The following ADCY9 variants were observed in gnomAD, a reference collection of about 807,000 sequenced individuals.
ADCY9 encodes the protein adenylate cyclase 9, also known as adenylate cyclase type 9.
Under a neutral mutation model 101.5 loss-of-function variants are expected in ADCY9, and 50 were observed. That is an observed-to-expected ratio of 0.49 (90% CI 0.39 to 0.62). The LOEUF (loss-of-function observed/expected upper bound fraction) is 0.62. Among genes scored for constraint, ADCY9 ranks in the 20% least tolerant of loss-of-function variants. The pLI, the probability that ADCY9 is intolerant of heterozygous loss-of-function variation, is 0.00. For synonymous variants in ADCY9, 905 were observed against 769.3 expected (o/e 1.18, Z -2.92); for missense variants, 1,662 against 1,800.4 (o/e 0.92, Z 1.39).
intron 2 of ADCY9, among the ~76,000 whole-genome samples, chr16:4,027,486 G>A (rs138928227): frequency 6.6e-5 from 10 of 152,192 alleles, no homozygotes; most frequent in Non-Finnish European, 1.0e-4. Context: ...GGCTAGGGAG[G>A]CCTCACAATC....
chr16:4,072,557 A>G (rs2141170712), intron 2 of ADCY9, among the ~76,000 whole-genome samples: 1 of 152,334 alleles, frequency 6.6e-6, no homozygotes, highest in East Asian at 1.9e-4. Context: ...CAGACTAATG[A>G]ACAGAAGCTT....
chr16:4,036,194 C>A (rs1216892844), intron 2 of ADCY9, among the ~76,000 whole-genome samples: 2 of 151,830 alleles, frequency 1.3e-5, no homozygotes, highest in Non-Finnish European at 2.9e-5. Context: ...TTGAAGCAAC[C>A]CAGGAGCTGC....
chr16:4,083,409 G>A (rs1315362765), intron 2 of ADCY9, among the ~76,000 whole-genome samples: 1 of 152,088 alleles, frequency 6.6e-6, no homozygotes, highest in Non-Finnish European at 1.5e-5. Context: ...CACTCTGGTG[G>A]GAAGAGAAAA....
intron 2 of ADCY9, among the ~76,000 whole-genome samples, chr16:4,057,157 A>G (rs1156632801): frequency 6.6e-6 from 1 of 151,154 alleles, no homozygotes; most frequent in East Asian, 1.9e-4. Flanking sequence ...GTTTTTGTTT[A>G]AAGAGAAGCG....
chr16:4,080,679 G>C (rs2056896040), intron 2 of ADCY9, among the ~76,000 whole-genome samples: 1 of 150,370 alleles, frequency 6.7e-6, no homozygotes, highest in Non-Finnish European at 1.5e-5. Context: ...TCAGAATCAT[G>C]ACGGCGTTCT....
chr16:4,000,692 T>A (rs138486375), intron 3 of ADCY9, among the ~76,000 whole-genome samples: 238 of 149,964 alleles, frequency 1.6e-3, no homozygotes, highest in Middle Eastern at 0.01. Context: ...CGGGGCGGAG[T>A]CGAAAAGTCC....
intron 6 of ADCY9, among the ~76,000 whole-genome samples, chr16:3,987,208 C>G (rs1478026907): frequency 6.6e-6 from 1 of 152,216 alleles, no homozygotes; most frequent in African/African-American, 2.4e-5. Flanking sequence ...GCTGGGAGGG[C>G]ACTCGCAGAC....
At chr16:4,081,456 C>T (rs1198460460) in intron 2 of ADCY9, among the ~76,000 whole-genome samples, 1 of 152,226 alleles carries the variant, frequency 6.6e-6, no homozygotes. Context: ...TTAAGAAATA[C>T]GTTTGTTATA....
rs112039187 is a variant in ADCY9, at chr16:4,090,979, A to C, written c.1693+22771T>G. 2.0e-3 allele frequency among the ~76,000 whole-genome samples: 298 copies of C among 152,202 alleles called. 1 individual carries two copies. The highest frequency in any genetic ancestry group is 6.7e-3 in the African/African-American group (280 of 41,584). On this transcript the variant is annotated intron_variant, in intron 2 of 10. Transcript: ENST00000294016. ...AATGGCCAGCCACATCTATGACCAA[A>C]TTGACCTAAGCTTTCAGATGTTTTC... is the stretch of plus-strand genomic sequence containing the variant.
At chr16:4,052,267 G>A (rs893227178) in intron 2 of ADCY9, among the ~76,000 whole-genome samples, 14 of 152,204 alleles carry the variant, frequency 9.2e-5, no homozygotes, top group Non-Finnish European at 1.6e-4. Context: ...TGACACAGAC[G>A]GCGCCTGTGG....
At chr16:4,044,902 G>A (rs773647528) in intron 2 of ADCY9, among the ~76,000 whole-genome samples, 2 of 152,146 alleles carry the variant, frequency 1.3e-5, no homozygotes, top group Admixed American at 6.6e-5. Context: ...TCCACTTCCC[G>A]GCCTCACAGC....
At chr16:4,025,441 G>C (rs975323267) in intron 2 of ADCY9, among the ~76,000 whole-genome samples, 4 of 151,290 alleles carry the variant, frequency 2.6e-5, no homozygotes, top group Non-Finnish European at 5.9e-5. Context: ...CACTAGCAAA[G>C]CCAGCCTGGG....
At chr16:3,960,559 CA>C (rs1472554987), downstream of ADCY9, among the ~76,000 whole-genome samples, 7 of 151,230 alleles carry the variant, frequency 4.6e-5, no homozygotes, top group Non-Finnish European at 7.4e-5. Context: ...AACAAAAAAT[CA>C]AAAGTTGTTT....
At chr16:4,073,099 A>G (rs142708805) in intron 2 of ADCY9, among the ~76,000 whole-genome samples, 64 of 151,896 alleles carry the variant, frequency 4.2e-4, no homozygotes, top group Non-Finnish European at 7.1e-4. Context: ...TTCTTTAAAC[A>G]TTTTCTTTTT....
In ADCY9 at chr16:3,965,818, T is replaced by G. The variant is rs757814677; in HGVS notation, c.4019A>C (p.Glu1340Ala). The G allele has an allele frequency of 1.2e-6, 2 of 1,613,918 alleles. No individual in the cohort carries two copies. The highest frequency in any genetic ancestry group is 2.2e-5 in the South Asian group (2 of 91,064). ...KDDCDETGIE[E>A]ANELTKLNVS... ...GTTGAGCTTGGTGAGTTCGTTGGCT[T>G]CTTCTATTCCTGTTTCGTCACAGTC... The change falls in exon 11 of 11, where the codon GAA (glutamate) becomes GCA (alanine). Residue 1340 changes from glutamate (E) to alanine (A), a missense_variant. Glu to Ala is a moderately radical substitution (Grantham distance 107). Transcript: ENST00000294016.
chr16:4,007,602 G>A (rs3730119), intron 2 of ADCY9, 44 bp from the exon 3 acceptor site: 259,474 of 1,514,218 alleles, frequency 0.17, 24,147 homozygotes, highest in Admixed American at 0.34. Context: ...TGAAAGCACC[G>A]TCTGTTGAAA....
intron 3 of ADCY9, among the ~76,000 whole-genome samples, chr16:3,998,753 GA>G (rs1442132532): frequency 2.2e-3 from 8 of 3,582 alleles, no homozygotes; most frequent in Non-Finnish European, 3.2e-3. Context: ...AAGAAAGAAA[GA>G]AAAGAAAAGA....
At chr16:4,060,272 A>G (rs1479824787) in intron 2 of ADCY9, among the ~76,000 whole-genome samples, 1 of 152,230 alleles carries the variant, frequency 6.6e-6, no homozygotes, top group Non-Finnish European at 1.5e-5. Flanking sequence ...TATCACGGGC[A>G]GTGGTAAAGT....
intron 2 of ADCY9, among the ~76,000 whole-genome samples, chr16:4,030,096 C>T (rs921028088): frequency 5.9e-5 from 9 of 152,062 alleles, no homozygotes; most frequent in Non-Finnish European, 1.2e-4. Flanking sequence ...TAAAACAAGT[C>T]GGTATTACCG....
Sources: allele counts gnomAD v4.1 joint callset (sites outside exome capture counted in the v4.1 genomes callset), GRCh38; gene constraint gnomAD v4.1.1; transcripts MANE v1.5; gene names NCBI Gene and HGNC (gene_info 2026-07-23, HGNC 2026-07-21).